The following XRN2 variants were observed in gnomAD, a reference collection of about 807,000 sequenced individuals.
The protein encoded by XRN2 is 5'-3' exoribonuclease 2, also known as DHM1-like protein.
A neutral mutation model predicts 138.5 loss-of-function variants in XRN2; 44 were observed. The observed-to-expected ratio is 0.32, with a 90% CI of 0.25 to 0.41. The LOEUF is 0.41. XRN2 is among the 10% of genes least tolerant of loss of function. The pLI is 1.00. For synonymous variants in XRN2, 354 were observed against 369.4 expected (o/e 0.96, Z 0.48); for missense variants, 937 against 1,169.3 (o/e 0.80, Z 2.90).
At chr20:21,368,340 A>G (rs1407149995) in intron 26 of XRN2, 123 bp from the exon 27 acceptor site, 24 of 1,191,622 alleles carry the variant, frequency 2.0e-5, no homozygotes, top group Non-Finnish European at 2.4e-5. Context: ...TTTTGTTTGT[A>G]TTATCTTAAT....
At chr20:21,332,233 T>C in intron 8 of XRN2, 50 bp from the exon 9 acceptor site, 1 of 1,576,668 alleles carries the variant, frequency 6.3e-7, no homozygotes, top group Non-Finnish European at 8.6e-7. Flanking sequence ...ATGGTAAGAC[T>C]TCTCTCAGAA....
chr20:21,338,920 T>G, intron 13 of XRN2, 124 bp from the exon 14 acceptor site: 1 of 825,884 alleles, frequency 1.2e-6, no homozygotes, highest in South Asian at 1.5e-5. Context: ...GGTTTAATCA[T>G]GTACCTAGAT....
In XRN2 at chr20:21,326,383, T is replaced by TC; in HGVS notation, c.183dup (p.Cys62LeufsTer5). 6.2e-7 allele frequency: 1 copy of TC among 1,613,888 alleles called. No individual in the cohort carries two copies. The highest frequency in any genetic ancestry group is 8.5e-7 in the Non-Finnish European group (1 of 1,179,884). On this transcript the variant is annotated frameshift_variant, in exon 2 of 30. Transcript: ENST00000377191. LOFTEE classifies it high-confidence loss of function. ...ATTTGGATATGAATGGAATCATCCATCCCTGTACTCATCCTGAAGACAAGT... is the reference window on the plus strand; with the variant it reads ...ATTTGGATATGAATGGAATCATCCATCCCCTGTACTCATCCTGAAGACAAGT...
chr20:21,333,496 T>C (rs750082482), intron 9 of XRN2, 48 bp from the exon 10 acceptor site: 2 of 1,585,956 alleles, frequency 1.3e-6, no homozygotes, highest in East Asian at 4.5e-5. Context: ...TGGAAAAAAT[T>C]ACTGGACGTA....
At position 21,326,669 on chromosome 20, in the gene XRN2, A is replaced by C; in HGVS notation, c.315+68A>C. On this transcript the variant is annotated intron_variant, in intron 3 of 29. Transcript: ENST00000377191. Reference sequence around the variant, plus strand: ...TGCTGTGTTACCAGTGTCTAGAATGAAAGTCAGCTAAATAATGAAAAATGT... The same window carrying C: ...TGCTGTGTTACCAGTGTCTAGAATGCAAGTCAGCTAAATAATGAAAAATGT... 3 of 1,223,842 alleles carry C rather than the reference A, an allele frequency of 2.5e-6. No homozygotes were observed. The South Asian group carries it at 4.1e-5, about 17-fold the overall frequency. 75.8% of individuals were successfully genotyped at this position (1,223,842 alleles called of 1,614,324 possible). A position where few individuals can be genotyped will look rare whatever the true frequency, so the allele number is the denominator to read the frequency against.
chr20:21,358,738 G>A lies in XRN2; in HGVS notation c.2255+946G>A, dbSNP rs566171657. ...GTGAATTCGAAAAATCTTTCTGGATGAGTTGCTTACGTTTATCTTTACGTA... is the reference window on the plus strand; with the variant it reads ...GTGAATTCGAAAAATCTTTCTGGATAAGTTGCTTACGTTTATCTTTACGTA... On this transcript the variant is annotated intron_variant, in intron 24 of 29. Coordinates refer to ENST00000377191, the MANE Select transcript of XRN2 (RefSeq NM_012255.5). Among the ~76,000 whole-genome samples the A allele has an allele frequency of 4.9e-4, 75 of 152,292 alleles. No individual in the cohort carries two copies. The South Asian group carries it at 9.3e-3, about 19-fold the overall frequency.
chr20:21,377,538 G>A (rs145285991), intron 27 of XRN2, among the ~76,000 whole-genome samples: 3 of 146,788 alleles, frequency 2.0e-5, no homozygotes, highest in South Asian at 2.2e-4. Flanking sequence ...GATTACAGGC[G>A]TGAGCCACCA....
intron 1 of XRN2, 129 bp from the exon 2 acceptor site, chr20:21,326,150 A>G: frequency 1.1e-6 from 1 of 908,108 alleles, no homozygotes; most frequent in Non-Finnish European, 1.6e-6. Context: ...ATAACTTATT[A>G]TAATTTAAAG....
At chr20:21,332,693 G>T (rs939891219) in intron 9 of XRN2, among the ~76,000 whole-genome samples, 1 of 151,332 alleles carries the variant, frequency 6.6e-6, no homozygotes, top group Middle Eastern at 3.2e-3. Context: ...AGACAGTCTC[G>T]ACAGAGACGA....
At position 21,378,178 on chromosome 20, in the gene XRN2, A is replaced by G. The variant is rs573017047; in HGVS notation, c.2585-3816A>G. Among the ~76,000 whole-genome samples the G allele has an allele frequency of 2.0e-5, 3 of 152,312 alleles. No homozygotes were observed. In the South Asian group the frequency reaches 6.2e-4, roughly 32 times the overall value. ...TGTATTTGCCTAGATGCTTACAACT[A>G]AAATGTGTGTTATTTTTCTTTCCTA... On this transcript the variant is annotated intron_variant, in intron 27 of 29. Coordinates refer to ENST00000377191, the MANE Select transcript of XRN2 (RefSeq NM_012255.5).
intron 24 of XRN2, among the ~76,000 whole-genome samples, chr20:21,364,913 T>C (rs555979116): frequency 1.3e-5 from 2 of 152,156 alleles, no homozygotes; most frequent in East Asian, 3.9e-4. Flanking sequence ...AACTGTGAAG[T>C]TTAATTTTTT....
At chr20:21,353,492 TAAAAA>T (rs2038538072) in intron 20 of XRN2, among the ~76,000 whole-genome samples, 1 of 150,744 alleles carries the variant, frequency 6.6e-6, no homozygotes, top group African/African-American at 2.4e-5. Flanking sequence ...CTTTTTAACT[TAAAAA>T]GAAAAAAAAA....
chr20:21,319,978 T>C (rs2038014918), intron 1 of XRN2, among the ~76,000 whole-genome samples: 1 of 152,224 alleles, frequency 6.6e-6, no homozygotes, highest in Admixed American at 6.5e-5. Context: ...CTTGTGCTTA[T>C]TGTTTGCATG....
chr20:21,363,170 A>G (rs2038656686), intron 24 of XRN2, among the ~76,000 whole-genome samples: 2 of 152,182 alleles, frequency 1.3e-5, no homozygotes, highest in Admixed American at 1.3e-4. Flanking sequence ...ATACACACAC[A>G]TGCTTTGACT....
chr20:21,382,192 A>G (rs543310225), intron 28 of XRN2, 135 bp downstream of exon 28: 10 of 566,390 alleles, frequency 1.8e-5, no homozygotes, highest in African/African-American at 5.8e-5. Context: ...CCTTGTGCCT[A>G]TCCTTTAAGA....
chr20:21,332,570 C>G, intron 9 of XRN2, 130 bp downstream of exon 9: 1 of 946,736 alleles, frequency 1.1e-6, no homozygotes, highest in Non-Finnish European at 1.4e-6. Context: ...TTTGAGTTAC[C>G]TTGTTTTTAA....
chr20:21,354,499 A>G (rs1329550825), intron 20 of XRN2, among the ~76,000 whole-genome samples: 2 of 152,186 alleles, frequency 1.3e-5, no homozygotes, highest in Admixed American at 6.5e-5. Flanking sequence ...CCAGGTAGCC[A>G]TTTGTTCATT....
Position 21,326,260 on chromosome 20 carries a change from A to G in XRN2, c.76-19A>G. On this transcript the variant is annotated intron_variant, in intron 1 of 29. Coordinates refer to ENST00000377191, the MANE Select transcript of XRN2 (RefSeq NM_012255.5). Reference sequence around the variant, plus strand: ...AGACTTGAACAATCAAACTACTATTAATTATCACTTCCTCATAGCCAAAAG... The same window carrying G: ...AGACTTGAACAATCAAACTACTATTGATTATCACTTCCTCATAGCCAAAAG... 6.2e-7 allele frequency: 1 copy of G among 1,609,540 alleles called. No individual in the cohort carries two copies. Among genetic ancestry groups the G allele is most frequent in the Admixed American group, 1.7e-5 (1 of 59,860 alleles).
chr20:21,323,733 C>T (rs1387894513), intron 1 of XRN2, among the ~76,000 whole-genome samples: 1 of 152,160 alleles, frequency 6.6e-6, no homozygotes, highest in Non-Finnish European at 1.5e-5. Flanking sequence ...TAGAAATTCT[C>T]ATGTAGCTCC....
Sources: allele counts gnomAD v4.1 joint callset (sites outside exome capture counted in the v4.1 genomes callset), GRCh38; gene constraint gnomAD v4.1.1; transcripts MANE v1.5; gene names NCBI Gene and HGNC (gene_info 2026-07-23, HGNC 2026-07-21).